Variants in ZNF407 observed in about 807,000 individuals in gnomAD.
ZNF407 encodes the protein zinc finger protein 407.
Under a neutral mutation model 131.2 loss-of-function variants are expected in ZNF407, and 17 were observed. The observed-to-expected ratio is 0.13, with a 90% CI of 0.09 to 0.19. The LOEUF is 0.19. Ranked by LOEUF, ZNF407 falls within the 10% of genes least tolerant of loss-of-function variation. ZNF407 has a pLI of 1.00. For synonymous variants in ZNF407, 1,156 were observed against 1,062.0 expected (o/e 1.09, Z -1.72); for missense variants, 2,681 against 2,830.6 (o/e 0.95, Z 1.20).
At chr18:75,052,536 G>C (rs1455922325) in intron 8 of ZNF407, among the ~76,000 whole-genome samples, 2 of 152,166 alleles carry the variant, frequency 1.3e-5, no homozygotes, top group Admixed American at 1.3e-4. Flanking sequence ...GGGAAGTTCC[G>C]GCAGAAGAAG....
At chr18:74,885,255 A>G (rs762160611) in intron 6 of ZNF407, among the ~76,000 whole-genome samples, 10 of 152,186 alleles carry the variant, frequency 6.6e-5, no homozygotes, top group Non-Finnish European at 1.0e-4. Context: ...CTGTTTGTCA[A>G]TTGTTTTTAA....
intron 4 of ZNF407, among the ~76,000 whole-genome samples, chr18:74,842,568 G>A (rs950982601): frequency 2.5e-4 from 37 of 150,336 alleles, no homozygotes; most frequent in African/African-American, 8.6e-4. Context: ...AAACAGTGAC[G>A]CCTTTTTGAC....
chr18:75,037,318 A>C (rs964617098), intron 8 of ZNF407, among the ~76,000 whole-genome samples: 5 of 152,206 alleles, frequency 3.3e-5, no homozygotes, highest in African/African-American at 1.2e-4. Context: ...ATTCCAGGAC[A>C]GTGATGTGCC....
chr18:74,872,479 A>G (rs1971100764), intron 4 of ZNF407, among the ~76,000 whole-genome samples: 1 of 151,976 alleles, frequency 6.6e-6, no homozygotes, highest in Admixed American at 6.6e-5. Context: ...TGGGGGAGAT[A>G]TTTTTTGGGC....
chr18:74,601,323 G>A (rs62097584), intron 1 of ZNF407, among the ~76,000 whole-genome samples: 16,443 of 125,204 alleles, frequency 0.13, 1,013 homozygotes, highest in Non-Finnish European at 0.16. Context: ...GTGTGTGTGT[G>A]TATGTCTGTG....
chr18:74,660,976 A>G (rs1273069262), intron 3 of ZNF407, among the ~76,000 whole-genome samples: 2 of 152,184 alleles, frequency 1.3e-5, no homozygotes, highest in Non-Finnish European at 2.9e-5. Flanking sequence ...CTGTCTCACC[A>G]CCTCATGCTA....
At chr18:74,725,302 A>G (rs928736960) in intron 3 of ZNF407, among the ~76,000 whole-genome samples, 4 of 152,176 alleles carry the variant, frequency 2.6e-5, no homozygotes, top group African/African-American at 9.6e-5. Flanking sequence ...ACACCTAGAC[A>G]ATTAAACATA....
chr18:75,057,710 T>C (rs1372390377), intron 8 of ZNF407, among the ~76,000 whole-genome samples: 2 of 152,182 alleles, frequency 1.3e-5, no homozygotes, highest in Non-Finnish European at 2.9e-5. Context: ...TGCTCTATGA[T>C]CAAACCATTT....
At chr18:74,804,144 T>A in intron 4 of ZNF407, 1 of 1,493,340 alleles carries the variant, frequency 6.7e-7, no homozygotes, top group Non-Finnish European at 8.9e-7. Flanking sequence ...ATTGTCTTTT[T>A]TTTTTTCCTT....
chr18:74,631,913 A>G lies in ZNF407; in HGVS notation c.894A>G (p.Thr298=). ...PFPKKSRTMA[T]KNVHSKPRTS... ...CTAAAAAATCACGTACAATGGCAAC[A>G]AAAAATGTTCACTCAAAACCAAGAA... The change falls in exon 2 of 9, where the codon ACA becomes ACG. Residue 298 remains threonine (T), a synonymous_variant. Transcript: ENST00000299687. The G allele has an allele frequency of 6.2e-7, 1 of 1,613,950 alleles. No homozygotes were observed.
At chr18:74,897,560 C>T (rs1189237409) in intron 7 of ZNF407, among the ~76,000 whole-genome samples, 1 of 152,010 alleles carries the variant, frequency 6.6e-6, no homozygotes, top group East Asian at 1.9e-4. Flanking sequence ...TGGACAGTCC[C>T]TTGGGTAGTA....
chr18:74,952,255 G>T (rs1332779656), intron 8 of ZNF407, among the ~76,000 whole-genome samples: 1 of 152,152 alleles, frequency 6.6e-6, no homozygotes, highest in African/African-American at 2.4e-5. Flanking sequence ...TGAACCTTTG[G>T]TAGCTAATGA....
At chr18:74,760,244 C>T (rs182803954) in intron 3 of ZNF407, among the ~76,000 whole-genome samples, 1 of 152,292 alleles carries the variant, frequency 6.6e-6, no homozygotes, top group Admixed American at 6.5e-5. Flanking sequence ...TCAAGGGGCT[C>T]TGTTGCATTG....
chr18:75,040,881 G>A (rs1031566656), intron 8 of ZNF407, among the ~76,000 whole-genome samples: 5 of 152,102 alleles, frequency 3.3e-5, no homozygotes, highest in Admixed American at 6.5e-5. Flanking sequence ...CATGGAGAAC[G>A]GTAGAGCTCC....
intron 1 of ZNF407, among the ~76,000 whole-genome samples, chr18:74,599,666 C>T (rs1367678185): frequency 6.6e-6 from 1 of 152,116 alleles, no homozygotes; most frequent in East Asian, 1.9e-4. Context: ...TGGGTATTCA[C>T]CTGGTTGAAG....
chr18:75,013,062 A>C (rs1202166256), intron 8 of ZNF407, among the ~76,000 whole-genome samples: 3 of 151,812 alleles, frequency 2.0e-5, no homozygotes, highest in Non-Finnish European at 4.4e-5. Flanking sequence ...ATGCCCATAG[A>C]GTTTGAAACT....
chr18:74,879,712 C>A (rs1444072154), intron 5 of ZNF407, among the ~76,000 whole-genome samples: 1 of 152,030 alleles, frequency 6.6e-6, no homozygotes, highest in Non-Finnish European at 1.5e-5. Context: ...TTAAATTCAG[C>A]CTTATTTTTA....
At chr18:75,035,816 G>A (rs1368521669) in intron 8 of ZNF407, among the ~76,000 whole-genome samples, 1 of 152,090 alleles carries the variant, frequency 6.6e-6, no homozygotes, top group African/African-American at 2.4e-5. Context: ...GATTCCATTA[G>A]CTGAGATATC....
intron 3 of ZNF407, among the ~76,000 whole-genome samples, chr18:74,658,183 G>T (rs1272004002): frequency 6.6e-6 from 1 of 152,060 alleles, no homozygotes; most frequent in Non-Finnish European, 1.5e-5. Flanking sequence ...CATGATCTCA[G>T]CTCACTGCAA....
Sources: allele counts gnomAD v4.1 joint callset (sites outside exome capture counted in the v4.1 genomes callset), GRCh38; gene constraint gnomAD v4.1.1; transcripts MANE v1.5; gene names NCBI Gene and HGNC (gene_info 2026-07-23, HGNC 2026-07-21).